LPIN2: variants seen among roughly 807,000 people sequenced by gnomAD.
LPIN2 encodes the protein lipin 2.
In LPIN2, 55 loss-of-function variants were observed where a neutral mutation model predicts 111.4. That is an observed-to-expected ratio of 0.49 (90% CI 0.40 to 0.62). LPIN2 has a LOEUF of 0.62. Ranked by LOEUF, LPIN2 falls within the 20% of genes least tolerant of loss-of-function variation. The pLI, the probability that LPIN2 is intolerant of heterozygous loss-of-function variation, is 0.00. For missense variants in LPIN2, 992 were observed against 1,112.1 expected, an observed-to-expected ratio of 0.89 and a Z score of 1.54; for synonymous variants, 425 against 414.0, an observed-to-expected ratio of 1.03 and a Z score of -0.32.
At chr18:3,003,958 G>T (rs1476083540) in intron 1 of LPIN2, among the ~76,000 whole-genome samples, 1 of 152,072 alleles carries the variant, frequency 6.6e-6, no homozygotes, top group Non-Finnish European at 1.5e-5. Context: ...GATACCGTGT[G>T]GAAGGAATGC....
intron 1 of LPIN2, among the ~76,000 whole-genome samples, chr18:3,008,210 G>A (rs147472539): frequency 6.6e-6 from 1 of 152,216 alleles, no homozygotes; most frequent in Admixed American, 6.5e-5. Flanking sequence ...CGGAGGCCAA[G>A]GTGGGTGGAT....
At chr18:2,996,265 G>A (rs760124341) in intron 1 of LPIN2, among the ~76,000 whole-genome samples, 4 of 151,506 alleles carry the variant, frequency 2.6e-5, no homozygotes, top group African/African-American at 7.3e-5. Flanking sequence ...GCTTGAACCC[G>A]GGAGTGGGAG....
rs964630770 is a variant in LPIN2 at position 2,946,753 on chromosome 18, A to G, written c.590+4302T>C. ...ACTATTCACTGGTAGTATGGAACAG[A>G]TAAGTGGGGCTGCTAACCACCATAA... On this transcript the variant is annotated intron_variant, in intron 4 of 19. Transcript: ENST00000677752. 7.8e-5 allele frequency: 41 copies of G among 528,570 alleles called. No homozygotes were observed. In the East Asian group the frequency reaches 1.2e-3, roughly 15 times the overall value. The allele number at this position is 528,570 out of a possible 1,614,324, so 32.7% of individuals were successfully genotyped here. A position where few individuals can be genotyped will look rare whatever the true frequency, so the allele number is the denominator to read the frequency against.
chr18:2,925,379 T>A lies in LPIN2; in HGVS notation c.1794-11A>T, dbSNP rs1287905667. 3 of 1,614,040 alleles carry A rather than the reference T, an allele frequency of 1.9e-6. No individual in the cohort carries two copies. The highest frequency in any genetic ancestry group is 2.5e-6 in the Non-Finnish European group (3 of 1,179,974). On this transcript the variant is annotated splice_polypyrimidine_tract_variant and intron_variant, in intron 13 of 19. Coordinates refer to ENST00000677752, the MANE Select transcript of LPIN2 (RefSeq NM_001375808.2). The surrounding 1 kb of genome is among the most constrained non-coding windows in gnomAD (Gnocchi z 4.1). ...TCATTCTCGGCCGGCCTGTTCAACA[T>A]TAGCCCAGTTACGGAAGAGGCAGCA...
chr18:2,961,468 T>C (rs995767590), intron 1 of LPIN2, among the ~76,000 whole-genome samples: 12 of 152,282 alleles, frequency 7.9e-5, no homozygotes, highest in South Asian at 2.1e-4. Flanking sequence ...AATGACTCAA[T>C]ATAACTAACT....
At chr18:3,012,843 T>A (rs2078630219) in intron 1 of LPIN2, among the ~76,000 whole-genome samples, 1 of 151,578 alleles carries the variant, frequency 6.6e-6, no homozygotes, top group South Asian at 2.1e-4. Context: ...CGGTCCGTCC[T>A]GCGGCGGCGG....
chr18:3,000,382 G>C (rs981161384), intron 1 of LPIN2, among the ~76,000 whole-genome samples: 7 of 152,204 alleles, frequency 4.6e-5, no homozygotes, highest in African/African-American at 1.7e-4. Context: ...TTTCCAAATT[G>C]AAAGTTCCCA....
In LPIN2 at chr18:2,954,881, GA is replaced by G. The variant is rs202134067; in HGVS notation, c.193-283del. Among the ~76,000 whole-genome samples the G allele has an allele frequency of 6.5e-3, 990 of 151,698 alleles. 14 individuals are homozygous for G. The highest frequency in any genetic ancestry group is 0.022 in the African/African-American group (924 of 41,204). ...ATTATTTTTCAAATTTAAAATGGGG[GA>G]AATATTATTGTCAAACATTTGCACA... On this transcript the variant is annotated intron_variant, in intron 2 of 19. Transcript: ENST00000677752.
At position 2,996,495 on chromosome 18, in the gene LPIN2, T is replaced by TTTTTG. The variant is rs1383642994; in HGVS notation, c.-10+16591_-10+16592insCAAAA. ...TTTTTTTTTTTTTTTTTTTTTTTTT[T>TTTTTG]GAGACAGAGTCTCTCTCTGTCACCC... On this transcript the variant is annotated intron_variant, in intron 1 of 19. Transcript: ENST00000677752. Among the ~76,000 whole-genome samples the TTTTTG allele has an allele frequency of 2.0e-3, 208 of 104,240 alleles. 27 individuals carry two copies. Among genetic ancestry groups the TTTTTG allele is most frequent in the African/African-American group, 7.5e-3 (198 of 26,542 alleles). The allele number at this position is 104,240 out of a possible 152,430, so 68.4% of individuals were successfully genotyped here. A position where few individuals can be genotyped will look rare whatever the true frequency, so the allele number is the denominator to read the frequency against.
chr18:2,986,023 C>T (rs193273518), intron 1 of LPIN2, among the ~76,000 whole-genome samples: 8 of 152,310 alleles, frequency 5.3e-5, no homozygotes, highest in Admixed American at 3.3e-4. Context: ...ACAAAGGGAA[C>T]ATGTAAAGGA....
chr18:2,951,363 G>A lies in LPIN2; in HGVS notation c.289-7C>T. The A allele has an allele frequency of 6.2e-7, 1 of 1,612,780 alleles. No individual in the cohort carries two copies. On this transcript the variant is annotated splice_region_variant and splice_polypyrimidine_tract_variant and intron_variant, in intron 3 of 19. Coordinates refer to ENST00000677752, the MANE Select transcript of LPIN2 (RefSeq NM_001375808.2). The stretch of plus-strand genomic sequence containing the variant: ...GGTAAGCAGGAAGCTTTTCCTTGAG[G>A]AGAATGGAGAAAGAAAAGTTATCCA...
rs748347465 is a variant in LPIN2, at chr18:2,937,738, T to C, written c.1122A>G (p.Ser374=). Reference sequence around the variant, plus strand: ...CTACTTTAGCTGCCGGTTTGGATTCTGAGGGCGCCTCCGCTAAGGCTGCGT... The same window carrying C: ...CTACTTTAGCTGCCGGTTTGGATTCCGAGGGCGCCTCCGCTAAGGCTGCGT... ...LPNAALAEAP[S]ESKPAAKVDS... Residue 374 remains serine, a synonymous_variant, in exon 7 of 20, where the codon TCA becomes TCG. Coordinates refer to ENST00000677752, the MANE Select transcript of LPIN2 (RefSeq NM_001375808.2). 26 of 1,614,100 alleles carry C rather than the reference T, an allele frequency of 1.6e-5. No individual in the cohort carries two copies. In the South Asian group the frequency reaches 2.9e-4, roughly 18 times the overall value.
chr18:2,956,673 C>T (rs1279279970), intron 2 of LPIN2, among the ~76,000 whole-genome samples: 1 of 152,198 alleles, frequency 6.6e-6, no homozygotes, highest in Non-Finnish European at 1.5e-5. Context: ...TCCATTTAAA[C>T]AGTGTAGCTG....
intron 12 of LPIN2, among the ~76,000 whole-genome samples, chr18:2,927,118 A>G (rs1432949793): frequency 6.6e-6 from 1 of 152,162 alleles, no homozygotes; most frequent in East Asian, 1.9e-4. Context: ...TCCTGGGAGT[A>G]ACTCACCACG....
intron 3 of LPIN2, among the ~76,000 whole-genome samples, chr18:2,952,710 T>C (rs1726873845): frequency 6.6e-6 from 1 of 152,228 alleles, no homozygotes; most frequent in Admixed American, 6.5e-5. Flanking sequence ...AATTCAATGA[T>C]CTTTATTTTA....
intron 1 of LPIN2, among the ~76,000 whole-genome samples, chr18:2,993,212 G>GAAGAAGA (rs942822770): frequency 6.6e-6 from 1 of 151,220 alleles, no homozygotes; most frequent in Non-Finnish European, 1.5e-5. Context: ...AAAGAAGAAA[G>GAAGAAGA]AAGAAGAAAG....
chr18:3,012,337 T>TA (rs903769724), intron 1 of LPIN2, among the ~76,000 whole-genome samples: 3 of 152,232 alleles, frequency 2.0e-5, no homozygotes, highest in African/African-American at 7.2e-5. Context: ...TAATTATGCC[T>TA]AAAAAATGTC....
At chr18:2,988,455 G>C (rs1333875678) in intron 1 of LPIN2, among the ~76,000 whole-genome samples, 1 of 152,198 alleles carries the variant, frequency 6.6e-6, no homozygotes, top group Non-Finnish European at 1.5e-5. Context: ...TACACTCAGT[G>C]AATCTGCCTA....
intron 9 of LPIN2, among the ~76,000 whole-genome samples, chr18:2,929,382 A>C (rs1345724706): frequency 6.6e-6 from 1 of 152,198 alleles, no homozygotes; most frequent in Non-Finnish European, 1.5e-5. Context: ...AGTGAAAACA[A>C]ACAAACTAGT....
Sources: allele counts gnomAD v4.1 joint callset (sites outside exome capture counted in the v4.1 genomes callset), GRCh38; gene constraint gnomAD v4.1.1; non-coding constraint Gnocchi (gnomAD v3.1); transcripts MANE v1.5; gene names NCBI Gene and HGNC (gene_info 2026-07-23, HGNC 2026-07-21).